The following PIP4P2 variants were observed in gnomAD, a reference collection of about 807,000 sequenced individuals.
PIP4P2 encodes type 2 phosphatidylinositol 4,5-bisphosphate 4-phosphatase.
In PIP4P2, 19 loss-of-function variants were observed where a neutral mutation model predicts 33.3. The ratio of observed to expected loss-of-function variants is 0.57; its 90% CI spans 0.40 to 0.84. The LOEUF is 0.84. Among genes scored for constraint, PIP4P2 ranks in the 40% least tolerant of loss-of-function variants. The probability of loss-of-function intolerance (pLI) is 0.00; values close to 1 mark genes in which losing one functional copy is unlikely to be tolerated. For missense variants in PIP4P2, 270 were observed against 324.7 expected, an observed-to-expected ratio of 0.83 and a Z score of 1.29; for synonymous variants, 110 against 111.9, an observed-to-expected ratio of 0.98 and a Z score of 0.11.
intron 5 of PIP4P2, among the ~76,000 whole-genome samples, chr8:91,005,836 CAT>C (rs1811755867): frequency 6.6e-6 from 1 of 152,188 alleles, no homozygotes; most frequent in Non-Finnish European, 1.5e-5. Flanking sequence ...TGCATGGAAA[CAT>C]AGTCCAAACT....
intron 5 of PIP4P2, among the ~76,000 whole-genome samples, chr8:91,004,944 G>T (rs898586957): frequency 1.3e-5 from 2 of 151,982 alleles, no homozygotes; most frequent in African/African-American, 4.8e-5. Flanking sequence ...TAGGAATATA[G>T]ATCAATTTAG....
chr8:91,037,334 CT>C (rs1812245301), intron 1 of PIP4P2, among the ~76,000 whole-genome samples: 1 of 152,226 alleles, frequency 6.6e-6, no homozygotes, highest in Admixed American at 6.5e-5. Context: ...CTCCACCCTG[CT>C]GATCACTTTG....
At position 91,040,802 on chromosome 8, in the gene PIP4P2, C is replaced by T. The variant is rs1433677943; in HGVS notation, c.-53G>A. 2 of 1,523,936 alleles carry T rather than the reference C, an allele frequency of 1.3e-6. No homozygotes were observed. The highest frequency in any genetic ancestry group is 1.4e-5 in the African/African-American group (1 of 72,094). 94.4% of individuals were successfully genotyped at this position (1,523,936 alleles called of 1,614,324 possible). A position where few individuals can be genotyped will look rare whatever the true frequency, so the allele number is the denominator to read the frequency against. On this transcript the variant is annotated 5_prime_UTR_variant, in exon 1 of 7. Coordinates refer to ENST00000285419, the MANE Select transcript of PIP4P2 (RefSeq NM_018710.3). The stretch of plus-strand genomic sequence containing the variant: ...GGCCGAGCCGGGGTTGCGGCCTCGG[C>T]GGAGTGGTGGCTACTGCTGCTGCCT...
chr8:91,010,333 G>A (rs1811816875), intron 4 of PIP4P2, among the ~76,000 whole-genome samples: 2 of 151,780 alleles, frequency 1.3e-5, no homozygotes, highest in Non-Finnish European at 3.0e-5. Context: ...GTTTGAGAAG[G>A]TAATTATGAA....
At chr8:91,019,781 G>A (rs1017143461) in intron 3 of PIP4P2, among the ~76,000 whole-genome samples, 2 of 152,036 alleles carry the variant, frequency 1.3e-5, no homozygotes, top group Non-Finnish European at 2.9e-5. Flanking sequence ...GCTCAGTTTG[G>A]TCTCAAACTA....
At chr8:91,032,975 A>G (rs1055054431) in intron 1 of PIP4P2, among the ~76,000 whole-genome samples, 3 of 152,126 alleles carry the variant, frequency 2.0e-5, no homozygotes, top group Admixed American at 6.6e-5. Context: ...ATATCCATCT[A>G]GCTAACATTT....
At chr8:91,020,112 G>A in intron 3 of PIP4P2, 45 bp downstream of exon 3, 1 of 1,586,692 alleles carries the variant, frequency 6.3e-7, no homozygotes, top group Non-Finnish European at 8.6e-7. Context: ...AATACTTGTT[G>A]AATGAACAAA....
intron 1 of PIP4P2, among the ~76,000 whole-genome samples, chr8:91,038,719 A>G (rs1005379436): frequency 2.0e-5 from 3 of 152,206 alleles, no homozygotes; most frequent in Non-Finnish European, 4.4e-5. Flanking sequence ...ATTCTGTCAA[A>G]ATGCAAATAA....
chr8:91,019,983 T>C (rs892993102), intron 3 of PIP4P2, among the ~76,000 whole-genome samples, 174 bp downstream of exon 3: 1 of 152,208 alleles, frequency 6.6e-6, no homozygotes, highest in African/African-American at 2.4e-5. Context: ...CAAATATCTA[T>C]GACTAAGTTC....
At chr8:91,035,132 T>C (rs1441345698) in intron 1 of PIP4P2, among the ~76,000 whole-genome samples, 5 of 152,186 alleles carry the variant, frequency 3.3e-5, no homozygotes, top group Admixed American at 3.3e-4. Flanking sequence ...CTCAAGCAAT[T>C]TCAAGATTAC....
chr8:91,007,609 T>A (rs58807337), intron 5 of PIP4P2, among the ~76,000 whole-genome samples: 15,736 of 152,220 alleles, frequency 0.1, 945 homozygotes, highest in African/African-American at 0.17. Context: ...AATAATTTTT[T>A]AAATTATAAT....
At chr8:90,996,903 T>C (rs1811636290) in intron 5 of PIP4P2, among the ~76,000 whole-genome samples, 159 bp from the exon 6 acceptor site, 1 of 152,154 alleles carries the variant, frequency 6.6e-6, no homozygotes, top group South Asian at 2.1e-4. Context: ...ATGTCATTTT[T>C]AATGGGTGAC....
chr8:91,016,580 A>C (rs1046896848), intron 4 of PIP4P2: 6 of 152,230 alleles, frequency 3.9e-5, no homozygotes, highest in African/African-American at 1.4e-4. Context: ...TTATAAAGTG[A>C]ATGTAAGATC....
At chr8:91,040,108 T>C (rs547914503) in intron 1 of PIP4P2, among the ~76,000 whole-genome samples, 1 of 152,278 alleles carries the variant, frequency 6.6e-6, no homozygotes, top group South Asian at 2.1e-4. Flanking sequence ...TGATTAACTG[T>C]ATTCATTTTG....
At chr8:91,017,988 AATT>A (rs1478026215) in intron 4 of PIP4P2, among the ~76,000 whole-genome samples, 1 of 152,140 alleles carries the variant, frequency 6.6e-6, no homozygotes, top group Non-Finnish European at 1.5e-5. Context: ...ATTTTTGATA[AATT>A]ATTATTCAAA....
chr8:90,995,573 A>G lies in PIP4P2; in HGVS notation c.*104T>C. 7.2e-7 allele frequency: 1 copy of G among 1,392,730 alleles called. No homozygotes were observed. The highest frequency in any genetic ancestry group is 9.5e-7 in the Non-Finnish European group (1 of 1,053,194). The allele number at this position is 1,392,730 out of a possible 1,614,324, so 86.3% of individuals were successfully genotyped here. On this transcript the variant is annotated 3_prime_UTR_variant, in exon 7 of 7. Coordinates refer to ENST00000285419, the MANE Select transcript of PIP4P2 (RefSeq NM_018710.3). The stretch of plus-strand genomic sequence containing the variant: ...CCAAAGTCTTGAAACGATTATACAT[A>G]AACCAGAATGGAATCCATTAGGATA...
chr8:91,021,241 G>T lies in PIP4P2; in HGVS notation c.255+15C>A. ...ATAACAATTTATATTTTTTCTAATG[G>T]AAATCTCCACTTACCGTAGCTTCAT... On this transcript the variant is annotated intron_variant, in intron 2 of 6. Coordinates refer to ENST00000285419, the MANE Select transcript of PIP4P2 (RefSeq NM_018710.3). 1.2e-6 allele frequency: 2 copies of T among 1,609,742 alleles called. No homozygotes were observed. The highest frequency in any genetic ancestry group is 1.7e-6 in the Non-Finnish European group (2 of 1,177,660).
chr8:91,040,427 C>CCACCAT (rs1812289497), intron 1 of PIP4P2, among the ~76,000 whole-genome samples: 1 of 136,422 alleles, frequency 7.3e-6, no homozygotes, highest in African/African-American at 2.9e-5. Context: ...ATCACCACCA[C>CCACCAT]CACCACCACC....
intron 1 of PIP4P2, among the ~76,000 whole-genome samples, chr8:91,037,373 G>A (rs1185848461): frequency 6.6e-6 from 1 of 152,058 alleles, no homozygotes; most frequent in Non-Finnish European, 1.5e-5. Context: ...GCCTATAATG[G>A]TCTTCCAGTC....
Sources: allele counts gnomAD v4.1 joint callset (sites outside exome capture counted in the v4.1 genomes callset), GRCh38; gene constraint gnomAD v4.1.1; transcripts MANE v1.5; gene names NCBI Gene and HGNC (gene_info 2026-07-23, HGNC 2026-07-21).